The following NAV2 variants were observed in gnomAD, a reference collection of about 807,000 sequenced individuals.
NAV2 encodes helicase, APC down-regulated 1.
In NAV2, 54 loss-of-function variants were observed where a neutral mutation model predicts 223.2. The observed-to-expected ratio is 0.24, with a 90% confidence interval of 0.19 to 0.30. The LOEUF (loss-of-function observed/expected upper bound fraction) is 0.30. Among genes scored for constraint, NAV2 ranks in the 10% least tolerant of loss-of-function variants. The probability of loss-of-function intolerance (pLI) is 1.00; values close to 1 mark genes in which losing one functional copy is unlikely to be tolerated. For missense variants in NAV2, 2,806 were observed against 3,147.5 expected, an observed-to-expected ratio of 0.89 and a Z score of 2.60; for synonymous variants, 1,279 against 1,239.3, an observed-to-expected ratio of 1.03 and a Z score of -0.67.
chr11:19,560,295 A>T (rs544506081), intron 1 of NAV2, among the ~76,000 whole-genome samples: 1 of 152,204 alleles, frequency 6.6e-6, no homozygotes, highest in Non-Finnish European at 1.5e-5. Context: ...GTTATCAGCT[A>T]TTGAGACATC....
At chr11:19,969,702 GGAGGCT>G (rs546197819) in intron 10 of NAV2, among the ~76,000 whole-genome samples, 1 of 152,230 alleles carries the variant, frequency 6.6e-6, no homozygotes, top group Admixed American at 6.5e-5. Context: ...CAGCACTTTG[GGAGGCT>G]GAGGCGGGCG....
chr11:19,938,116 T>C (rs866682133), intron 7 of NAV2, among the ~76,000 whole-genome samples: 1 of 152,230 alleles, frequency 6.6e-6, no homozygotes, highest in Admixed American at 6.5e-5. Flanking sequence ...TAGAGTTGTA[T>C]GTAAAGAGTT....
chr11:19,935,864 T>TTTTTTTTTTG (rs2045836144), intron 7 of NAV2, among the ~76,000 whole-genome samples: 1 of 101,178 alleles, frequency 9.9e-6, no homozygotes, highest in East Asian at 3.3e-4. Context: ...TTTTTTTTTT[T>TTTTTTTTTTG]TTTTTTTTTT....
At position 19,763,074 on chromosome 11, in the gene NAV2, G is replaced by A. The variant is rs935323081; in HGVS notation, c.267+49112G>A. On this transcript the variant is annotated intron_variant, in intron 1 of 37. Coordinates refer to ENST00000349880, the MANE Select transcript of NAV2 (RefSeq NM_145117.5). ...TAAGCTCCAGGAGGGCAGGAACCTT[G>A]TCTGTCTGGTTCACTACTTTGTCCT... is the stretch of plus-strand genomic sequence containing the variant. Among the ~76,000 whole-genome samples the A allele has an allele frequency of 2.0e-5, 3 of 152,184 alleles. No homozygotes were observed. In the East Asian group the frequency reaches 5.8e-4, roughly 29 times the overall value.
At chr11:19,488,656 T>C (rs2042526723) in intron 1 of NAV2, among the ~76,000 whole-genome samples, 1 of 152,210 alleles carries the variant, frequency 6.6e-6, no homozygotes, top group African/African-American at 2.4e-5. Flanking sequence ...AATATTAAAT[T>C]CAATAATGCA....
intron 10 of NAV2, 34 bp from the exon 11 acceptor site, chr11:19,984,091 C>G: frequency 6.2e-7 from 1 of 1,613,674 alleles, no homozygotes; most frequent in Non-Finnish European, 8.5e-7. Context: ...TTGCTTTGGA[C>G]ATTCATGTGC....
intron 1 of NAV2, among the ~76,000 whole-genome samples, chr11:19,716,364 C>A (rs909493213): frequency 6.6e-5 from 10 of 152,092 alleles, no homozygotes; most frequent in Admixed American, 2.0e-4. Flanking sequence ...GTGTTCTCAT[C>A]TATTAAAAAA....
chr11:19,658,333 C>T (rs2048183534), intron 1 of NAV2, among the ~76,000 whole-genome samples: 1 of 152,136 alleles, frequency 6.6e-6, no homozygotes, highest in African/African-American at 2.4e-5. Context: ...CACAGAAACT[C>T]ATTCAATCAT....
chr11:19,897,573 TA>T (rs1382756014), intron 6 of NAV2, among the ~76,000 whole-genome samples: 4 of 152,034 alleles, frequency 2.6e-5, no homozygotes, highest in Admixed American at 2.0e-4. Flanking sequence ...TGATAGTATA[TA>T]ATACTTCTTA....
chr11:19,995,202 C>T (rs2051753608), intron 11 of NAV2, among the ~76,000 whole-genome samples: 1 of 152,194 alleles, frequency 6.6e-6, no homozygotes, highest in Non-Finnish European at 1.5e-5. Context: ...GGTCCTTGAG[C>T]TCCTGTAAGT....
At chr11:19,895,449 A>T (rs1010880685) in intron 6 of NAV2, among the ~76,000 whole-genome samples, 11 of 152,194 alleles carry the variant, frequency 7.2e-5, no homozygotes, top group African/African-American at 2.2e-4. Context: ...TTTTACAGGC[A>T]GAGAGAATGA....
intron 3 of NAV2, among the ~76,000 whole-genome samples, chr11:19,850,511 A>G (rs1003864942): frequency 1.3e-5 from 2 of 152,184 alleles, no homozygotes; most frequent in Non-Finnish European, 2.9e-5. Flanking sequence ...ACATACCATT[A>G]TTCTGATTTC....
chr11:19,591,360 T>A (rs548634053), intron 1 of NAV2: 4 of 152,330 alleles, frequency 2.6e-5, no homozygotes, highest in African/African-American at 9.6e-5. Context: ...TCCAGGATAG[T>A]TTCTCATTCT....
Position 19,729,934 on chromosome 11 carries a change from C to T in NAV2, c.267+15972C>T, listed in dbSNP as rs1334959972. 2.0e-5 allele frequency among the ~76,000 whole-genome samples: 3 copies of T among 152,150 alleles called. No individual in the cohort carries two copies. In the East Asian group the frequency reaches 5.8e-4, roughly 29 times the overall value. ...TTGTGTACTCAGCACTTACTATGTGCCAGGCTCCACATTCCATGCTTACAT... is the reference window on the plus strand; with the variant it reads ...TTGTGTACTCAGCACTTACTATGTGTCAGGCTCCACATTCCATGCTTACAT... On this transcript the variant is annotated intron_variant, in intron 1 of 37. Coordinates refer to ENST00000349880, the MANE Select transcript of NAV2 (RefSeq NM_145117.5).
chr11:19,576,381 C>T (rs190026966), intron 1 of NAV2, among the ~76,000 whole-genome samples: 8 of 152,204 alleles, frequency 5.3e-5, no homozygotes, highest in East Asian at 1.9e-4. Context: ...TGAAACCACT[C>T]GCTTCTTACT....
intron 6 of NAV2, among the ~76,000 whole-genome samples, chr11:19,910,083 C>T (rs1034646410): frequency 5.9e-5 from 9 of 152,126 alleles, no homozygotes; most frequent in Admixed American, 4.6e-4. Context: ...CATTTAATCC[C>T]TCACATCACT....
Position 19,953,732 on chromosome 11 carries a change from G to C in NAV2, c.2645+4652G>C, listed in dbSNP as rs563571985. Among the ~76,000 whole-genome samples the C allele has an allele frequency of 7.7e-4, 117 of 152,334 alleles. 1 individual carries two copies. Among genetic ancestry groups the C allele is most frequent in the African/African-American group, 2.7e-3 (114 of 41,580 alleles). ...AGAGTATGTTCTTAAAAGGCAGACA[G>C]ACTTGAGATTTAATCCTGGCTCTGC... On this transcript the variant is annotated intron_variant, in intron 10 of 37. Transcript: ENST00000349880.
chr11:19,612,607 C>T (rs2046676206), intron 1 of NAV2, among the ~76,000 whole-genome samples: 1 of 152,212 alleles, frequency 6.6e-6, no homozygotes, highest in Non-Finnish European at 1.5e-5. Flanking sequence ...AGCCTCTTTA[C>T]TAAAACATAA....
intron 1 of NAV2, among the ~76,000 whole-genome samples, chr11:19,631,478 A>G (rs1324242301): frequency 2.0e-5 from 3 of 152,218 alleles, no homozygotes; most frequent in African/African-American, 7.2e-5. Flanking sequence ...TAAGACAGAA[A>G]GCACAACAAG....
Sources: gnomAD v4.1 joint callset for allele counts (sites outside exome capture counted in the v4.1 genomes callset) on GRCh38, gnomAD v4.1.1 for gene constraint, MANE v1.5 for transcripts, NCBI Gene and HGNC (gene_info 2026-07-23, HGNC 2026-07-21) for gene names.